The following CRISPLD2 variants were observed in gnomAD, a reference collection of about 807,000 sequenced individuals.
CRISPLD2 encodes cysteine-rich secretory protein LCCL domain-containing 2.
Under a neutral mutation model 71.1 loss-of-function variants are expected in CRISPLD2, and 47 were observed. The observed-to-expected ratio is 0.66, with a 90% CI of 0.52 to 0.84. CRISPLD2 has a LOEUF of 0.84. Among genes scored for constraint, CRISPLD2 ranks in the 40% least tolerant of loss-of-function variants. The pLI is 0.00. For synonymous variants in CRISPLD2, 317 were observed against 250.1 expected (o/e 1.27, Z -2.52); for missense variants, 830 against 651.1 (o/e 1.27, Z -2.99).
chr16:84,871,959 A>G (rs1185183914), intron 8 of CRISPLD2, among the ~76,000 whole-genome samples: 1 of 151,808 alleles, frequency 6.6e-6, no homozygotes, highest in African/African-American at 2.4e-5. Flanking sequence ...ACCAACCTCA[A>G]ATTCAACCAA....
At chr16:84,859,941 A>C (rs1404697682) in intron 6 of CRISPLD2, among the ~76,000 whole-genome samples, 3 of 152,230 alleles carry the variant, frequency 2.0e-5, no homozygotes. Context: ...ATACAGAAAA[A>C]AGCAATTACA....
intron 14 of CRISPLD2, among the ~76,000 whole-genome samples, chr16:84,895,980 TTG>T (rs1276699468): frequency 6.6e-6 from 1 of 151,928 alleles, no homozygotes; most frequent in African/African-American, 2.4e-5. Flanking sequence ...CTGTCTAACT[TTG>T]AAATTTTCCT....
In CRISPLD2 at chr16:84,886,302, CTG is replaced by C. The variant is rs1287126302; in HGVS notation, c.1306-2925_1306-2924del. Among the ~76,000 whole-genome samples the C allele has an allele frequency of 2.6e-5, 4 of 152,356 alleles. No individual in the cohort carries two copies. The East Asian group carries it at 5.8e-4, about 22-fold the overall frequency. Reference sequence around the variant, plus strand: ...GCTCAGGGTGCATTTTCCAGACAAACTGTGCTTTTACAGTGGATCCTGAGACA... The same window carrying C: ...GCTCAGGGTGCATTTTCCAGACAAACTGCTTTTACAGTGGATCCTGAGACA... On this transcript the variant is annotated intron_variant, in intron 13 of 14. Transcript: ENST00000262424.
rs563070465 is a variant in CRISPLD2 at position 84,891,138 on chromosome 16, A to G, written c.1439+1775A>G. Reference sequence around the variant, plus strand: ...GGTGCACTTGAGGGTTAGGACATTAACATATGGATTTTGAGGGACCACAGG... The same window carrying G: ...GGTGCACTTGAGGGTTAGGACATTAGCATATGGATTTTGAGGGACCACAGG... On this transcript the variant is annotated intron_variant, in intron 14 of 14. Transcript: ENST00000262424. 2.6e-5 allele frequency among the ~76,000 whole-genome samples: 4 copies of G among 152,344 alleles called. No individual in the cohort carries two copies. In the South Asian group the frequency reaches 8.3e-4, roughly 32 times the overall value.
chr16:84,886,774 C>T (rs1282805367), intron 13 of CRISPLD2, among the ~76,000 whole-genome samples: 2 of 152,224 alleles, frequency 1.3e-5, no homozygotes, highest in Non-Finnish European at 2.9e-5. Context: ...CAGATGGTAT[C>T]ACCGCACTTC....
At chr16:84,897,582 G>GT (rs2071717420) in intron 14 of CRISPLD2, among the ~76,000 whole-genome samples, 1 of 152,168 alleles carries the variant, frequency 6.6e-6, no homozygotes, top group Admixed American at 6.5e-5. Flanking sequence ...TTTCTTCTGT[G>GT]TTTACATATA....
intron 14 of CRISPLD2, among the ~76,000 whole-genome samples, chr16:84,894,271 G>C (rs1350326730): frequency 1.3e-5 from 2 of 152,162 alleles, no homozygotes; most frequent in African/African-American, 4.8e-5. Flanking sequence ...ATATTCTTGG[G>C]GAAATGCCGG....
At chr16:84,843,471 C>A (rs1260061176) in intron 2 of CRISPLD2, among the ~76,000 whole-genome samples, 2 of 152,202 alleles carry the variant, frequency 1.3e-5, no homozygotes, top group African/African-American at 4.8e-5. Flanking sequence ...TATGAGTGGA[C>A]AGGCTCTGGA....
intron 2 of CRISPLD2, chr16:84,842,307 C>T (rs1219686008): frequency 7.1e-6 from 1 of 139,878 alleles, no homozygotes; most frequent in Non-Finnish European, 1.6e-5. Context: ...CGCCTGCCTG[C>T]CTGCCCGCCC....
chr16:84,856,633 C>T (rs571700474), intron 6 of CRISPLD2, among the ~76,000 whole-genome samples: 1 of 152,180 alleles, frequency 6.6e-6, no homozygotes, highest in African/African-American at 2.4e-5. Context: ...ATGGGAGAAA[C>T]AATCCCACAT....
chr16:84,884,630 GAGGA>G lies in CRISPLD2; in HGVS notation c.1305+4053_1305+4056del, dbSNP rs1168648614. 6.6e-5 allele frequency among the ~76,000 whole-genome samples: 10 copies of G among 152,130 alleles called. No individual in the cohort carries two copies. The East Asian group carries it at 1.9e-3, about 29-fold the overall frequency. ...TGAAGCCTGTGAGAGGAGAGGTGTG[GAGGA>G]AGGAAGAAAGGAGGAAAGGTGTTTG... On this transcript the variant is annotated intron_variant, in intron 13 of 14. Coordinates refer to ENST00000262424, the MANE Select transcript of CRISPLD2 (RefSeq NM_031476.4).
chr16:84,902,096 G>T (rs1469681448), intron 14 of CRISPLD2, among the ~76,000 whole-genome samples: 1 of 152,022 alleles, frequency 6.6e-6, no homozygotes, highest in Admixed American at 6.6e-5. Context: ...ACCGCGCCTG[G>T]CCCTGGTTGC....
At chr16:84,878,618 C>T (rs1297906434) in intron 12 of CRISPLD2, among the ~76,000 whole-genome samples, 3 of 152,172 alleles carry the variant, frequency 2.0e-5, no homozygotes, top group Non-Finnish European at 2.9e-5. Context: ...GAGTGGTCCA[C>T]GGAGGACGAT....
At chr16:84,884,264 T>G (rs1597478273) in intron 13 of CRISPLD2, among the ~76,000 whole-genome samples, 2 of 152,328 alleles carry the variant, frequency 1.3e-5, no homozygotes, top group South Asian at 2.1e-4. Flanking sequence ...GCTGAGTGAT[T>G]TGGGGCAAGG....
chr16:84,903,794 C>T (rs1020177618), intron 14 of CRISPLD2, among the ~76,000 whole-genome samples: 6 of 152,154 alleles, frequency 3.9e-5, no homozygotes, highest in African/African-American at 1.2e-4. Context: ...TCCAGAAATA[C>T]ACCACAGAGT....
intron 3 of CRISPLD2, 21 bp downstream of exon 3, chr16:84,845,925 TC>T: frequency 3.9e-6 from 6 of 1,525,422 alleles, no homozygotes; most frequent in Non-Finnish European, 5.4e-6. Context: ...CAAGTTCCTC[TC>T]CGGCTGCCGC....
intron 2 of CRISPLD2, chr16:84,842,044 C>G (rs961674323): frequency 2.6e-5 from 4 of 152,566 alleles, no homozygotes; most frequent in African/African-American, 9.7e-5. Flanking sequence ...TTCCGGAGAC[C>G]TGGGAGGCAT....
intron 14 of CRISPLD2, among the ~76,000 whole-genome samples, chr16:84,892,616 A>C (rs185288146): frequency 6.6e-6 from 1 of 152,104 alleles, no homozygotes; most frequent in Non-Finnish European, 1.5e-5. Flanking sequence ...GGAGATGTGC[A>C]TAAGTGTGAA....
At chr16:84,897,990 C>A (rs895796650) in intron 14 of CRISPLD2, among the ~76,000 whole-genome samples, 4 of 152,198 alleles carry the variant, frequency 2.6e-5, no homozygotes, top group African/African-American at 4.8e-5. Context: ...GCTCTTCAAG[C>A]CCTAGCCTGT....
Sources: gnomAD v4.1 joint callset for allele counts (sites outside exome capture counted in the v4.1 genomes callset) on GRCh38, gnomAD v4.1.1 for gene constraint, MANE v1.5 for transcripts, NCBI Gene and HGNC (gene_info 2026-07-23, HGNC 2026-07-21) for gene names.